SGPL1: variants seen among roughly 807,000 people sequenced by gnomAD.
SGPL1 encodes the protein sphingosine-1-phosphate lyase 1.
A neutral mutation model predicts 68.9 loss-of-function variants in SGPL1; 37 were observed. That is an observed-to-expected ratio of 0.54 (90% CI 0.41 to 0.71). The LOEUF (loss-of-function observed/expected upper bound fraction) is 0.71, where lower values mean the gene tolerates loss of function less well. SGPL1 is among the 30% of genes least tolerant of loss of function. SGPL1 has a pLI of 0.00. For missense variants in SGPL1, 551 were observed against 704.6 expected (o/e 0.78, Z 2.47); for synonymous variants, 236 against 248.5 (o/e 0.95, Z 0.47).
At position 70,871,947 on chromosome 10, in the gene SGPL1, G is replaced by A. The variant is rs549187500; in HGVS notation, c.1020G>A (p.Arg340=). Residue 340 remains arginine (R), a synonymous_variant, in exon 11 of 15, where the codon CGG becomes CGA. Coordinates refer to ENST00000373202, the MANE Select transcript of SGPL1 (RefSeq NM_003901.4). ...GYPLEHPFDF[R]VKGVTSISAD... is the part of the protein sequence containing the mutation. Reference sequence around the variant, plus strand: ...CACTGGAGCACCCATTTGATTTCCGGGTGAAAGGTGTAACCAGCATTTCAG... The same window carrying A: ...CACTGGAGCACCCATTTGATTTCCGAGTGAAAGGTGTAACCAGCATTTCAG... The A allele has an allele frequency of 1.3e-5, 21 of 1,614,148 alleles. No individual in the cohort carries two copies. The African/African-American group carries it at 2.5e-4, about 19-fold the overall frequency.
chr10:70,852,511 C>G (rs1251598137), intron 4 of SGPL1, among the ~76,000 whole-genome samples: 1 of 152,182 alleles, frequency 6.6e-6, no homozygotes. Context: ...TTCCCCTTAT[C>G]TCCTGAATTT....
intron 7 of SGPL1, chr10:70,866,792 G>T (rs1256333541): frequency 6.6e-6 from 1 of 152,202 alleles, no homozygotes; most frequent in Non-Finnish European, 1.5e-5. Flanking sequence ...TTTGGTGATG[G>T]TCACATGTTT....
Position 70,857,659 on chromosome 10 carries a change from G to C in SGPL1, c.455G>C (p.Gly152Ala), listed in dbSNP as rs1443656510. ...EGRASGTVYSGEEKLTELLVK... is the reference protein window; with the variant it reads ...EGRASGTVYSAEEKLTELLVK... ...AGAGCCTCTGGAACAGTGTACAGTG[G>C]GGAGGAGAAGCTCACTGAGCTCCTT... The change falls in exon 6 of 15, where the codon GGG (glycine) becomes GCG (alanine). Residue 152 changes from glycine to alanine, a missense_variant. Gly to Ala is a moderately conservative substitution (Grantham distance 60, BLOSUM62 0). Transcript: ENST00000373202. 6.2e-7 allele frequency: 1 copy of C among 1,612,920 alleles called. No homozygotes were observed. Among genetic ancestry groups the C allele is most frequent in the Non-Finnish European group, 8.5e-7 (1 of 1,179,372 alleles).
At chr10:70,816,994 G>A in intron 2 of SGPL1, 114 bp downstream of exon 2, 1 of 1,029,660 alleles carries the variant, frequency 9.7e-7, no homozygotes, top group Non-Finnish European at 1.5e-6. Flanking sequence ...GTAGCTGAGC[G>A]TTTTGCCACC....
intron 6 of SGPL1, 103 bp from the exon 7 acceptor site, chr10:70,859,268 A>G (rs944727538): frequency 9.9e-6 from 8 of 808,132 alleles, no homozygotes; most frequent in Non-Finnish European, 1.2e-5. Context: ...TTTCCAGTTT[A>G]TATTGTTGTG....
rs1845386623 is a variant in SGPL1, at chr10:70,823,921, T to C, written c.27+7041T>C. On this transcript the variant is annotated intron_variant, in intron 2 of 14. Coordinates refer to ENST00000373202, the MANE Select transcript of SGPL1 (RefSeq NM_003901.4). ...ATTGATATGTCTATAGGGAAAGCTT[T>C]CTAGTCTATTTCAAAATCATGTAAA... 2.0e-5 allele frequency among the ~76,000 whole-genome samples: 3 copies of C among 152,192 alleles called. No homozygotes were observed. In the South Asian group the frequency reaches 6.2e-4, roughly 31 times the overall value.
Position 70,876,609 on chromosome 10 carries a change from G to T in SGPL1, c.1514G>T (p.Arg505Leu). 1 of 1,613,378 alleles carries T rather than the reference G, an allele frequency of 6.2e-7. No individual in the cohort carries two copies. The highest frequency in any genetic ancestry group is 8.5e-7 in the Non-Finnish European group (1 of 1,179,426). ...RVAIQFLKDI[R>L]ESVTQIMKNP... ...GCTATACAATTCCTAAAGGACATTC[G>T]AGAATCTGTCACTCAAATCATGAAG... The change falls in exon 14 of 15, where the codon CGA becomes CTA. Residue 505 changes from arginine (R) to leucine (L), a missense_variant. Transcript: ENST00000373202.
intron 3 of SGPL1, among the ~76,000 whole-genome samples, chr10:70,846,478 G>A (rs940165669): frequency 6.6e-6 from 1 of 151,868 alleles, no homozygotes; most frequent in Non-Finnish European, 1.5e-5. Context: ...TAAGTGTACA[G>A]TTAGTCCTGT....
intron 6 of SGPL1, 58 bp from the exon 7 acceptor site, chr10:70,859,313 T>G (rs893325603): frequency 1.5e-5 from 19 of 1,260,528 alleles, no homozygotes; most frequent in Non-Finnish European, 1.9e-5. Flanking sequence ...AGTGCATGAT[T>G]CTTTGTCCTG....
chr10:70,819,996 T>G (rs1370032211), intron 2 of SGPL1, among the ~76,000 whole-genome samples: 1 of 152,132 alleles, frequency 6.6e-6, no homozygotes, highest in Non-Finnish European at 1.5e-5. Context: ...TAAATGGATA[T>G]CCAGTCTCCC....
chr10:70,845,820 C>T (rs1845784580), intron 3 of SGPL1, among the ~76,000 whole-genome samples: 1 of 152,108 alleles, frequency 6.6e-6, no homozygotes, highest in South Asian at 2.1e-4. Flanking sequence ...GATAAGAAAA[C>T]AGTAACATTG....
At position 70,871,818 on chromosome 10, in the gene SGPL1, C is replaced by A; in HGVS notation, c.910-19C>A. 1 of 1,611,510 alleles carries A rather than the reference C, an allele frequency of 6.2e-7. No individual in the cohort carries two copies. Among genetic ancestry groups the A allele is most frequent in the East Asian group, 2.2e-5 (1 of 44,836 alleles). ...GCTATAAAGGAAATTCTCTTATGTT[C>A]TTTGTTTTTTGGAACAAGCTGGCTG... On this transcript the variant is annotated intron_variant, in intron 10 of 14. Coordinates refer to ENST00000373202, the MANE Select transcript of SGPL1 (RefSeq NM_003901.4).
chr10:70,855,679 G>A (rs943214067), intron 5 of SGPL1, among the ~76,000 whole-genome samples: 17 of 152,196 alleles, frequency 1.1e-4, no homozygotes, highest in African/African-American at 4.1e-4. Flanking sequence ...ACAGATTTAT[G>A]TTTGTTACTG....
chr10:70,839,710 T>G lies in SGPL1; in HGVS notation c.28-4763T>G, dbSNP rs541881905. Among the ~76,000 whole-genome samples, 11 of 152,210 alleles carry G rather than the reference T, an allele frequency of 7.2e-5. 1 individual carries two copies. The highest frequency in any genetic ancestry group is 3.4e-3 in the Middle Eastern group (1 of 294). ...AGAATTATAAGTATATATTCAGAGA[T>G]ATATAGACAAAAAAGTACTGTTATA... On this transcript the variant is annotated intron_variant, in intron 2 of 14. Coordinates refer to ENST00000373202, the MANE Select transcript of SGPL1 (RefSeq NM_003901.4).
chr10:70,826,009 C>T (rs996505663), intron 2 of SGPL1, among the ~76,000 whole-genome samples: 1 of 152,194 alleles, frequency 6.6e-6, no homozygotes, highest in African/African-American at 2.4e-5. Flanking sequence ...GGTGAAACCC[C>T]GTCTTTACTA....
At chr10:70,841,638 T>C (rs1294691675) in intron 2 of SGPL1, among the ~76,000 whole-genome samples, 3 of 152,132 alleles carry the variant, frequency 2.0e-5, no homozygotes, top group Non-Finnish European at 4.4e-5. Context: ...CTCTTCCTCC[T>C]ACCATCAGCT....
At position 70,844,607 on chromosome 10, in the gene SGPL1, C is replaced by T; in HGVS notation, c.162C>T (p.Val54=). 1 of 1,614,060 alleles carries T rather than the reference C, an allele frequency of 6.2e-7. No homozygotes were observed. Among genetic ancestry groups the T allele is most frequent in the Non-Finnish European group, 8.5e-7 (1 of 1,180,014 alleles). ...AWSVVWTLLI[V]WGYEFVFQPE... is the part of the protein sequence containing the mutation. ...GTGTCGTGTGGACCCTGCTGATAGT[C>T]TGGGGATATGAGTTTGTCTTCCAGC... The change falls in exon 3 of 15, where the codon GTC becomes GTT. Residue 54 remains valine (V), a synonymous_variant. Coordinates refer to ENST00000373202, the MANE Select transcript of SGPL1 (RefSeq NM_003901.4).
At chr10:70,823,312 C>T (rs2131848815) in intron 2 of SGPL1, among the ~76,000 whole-genome samples, 1 of 150,960 alleles carries the variant, frequency 6.6e-6, no homozygotes, top group South Asian at 2.1e-4. Flanking sequence ...TCTTTTCAGC[C>T]CTAGTAAAAG....
chr10:70,878,422 T>G lies in SGPL1; in HGVS notation c.*1087T>G, dbSNP rs1302282098. ...AAGAAAACATGGTTTCCAAATAATC[T>G]GGGAGCTTTTGGCCATGGTGCCGCC... is the stretch of plus-strand genomic sequence containing the variant. On this transcript the variant is annotated 3_prime_UTR_variant, in exon 15 of 15. Coordinates refer to ENST00000373202, the MANE Select transcript of SGPL1 (RefSeq NM_003901.4). 2 of 152,280 alleles carry G rather than the reference T, an allele frequency of 1.3e-5. No homozygotes were observed. Among genetic ancestry groups the G allele is most frequent in the Non-Finnish European group, 2.9e-5 (2 of 68,062 alleles). 9.4% of individuals were successfully genotyped at this position (152,280 alleles called of 1,614,324 possible).
Sources: allele counts gnomAD v4.1 joint callset (sites outside exome capture counted in the v4.1 genomes callset), GRCh38; gene constraint gnomAD v4.1.1; transcripts MANE v1.5; gene names NCBI Gene and HGNC (gene_info 2026-07-23, HGNC 2026-07-21).